Variants in TMEM135 observed in about 807,000 individuals in gnomAD.
TMEM135 encodes the protein transmembrane protein 135.
TMEM135 carries 30 observed loss-of-function variants against 60.3 expected under a neutral mutation model. The observed-to-expected ratio is 0.50, with a 90% CI of 0.37 to 0.68. The LOEUF (loss-of-function observed/expected upper bound fraction) is 0.68, where lower values mean the gene tolerates loss of function less well. TMEM135 is among the 30% of genes least tolerant of loss of function. TMEM135 has a pLI of 0.00. For missense variants in TMEM135, 468 were observed against 548.8 expected (o/e 0.85, Z 1.47); for synonymous variants, 190 against 186.7 (o/e 1.02, Z -0.14).
In TMEM135 at chr11:87,258,811, T is replaced by C. The variant is rs1292524371; in HGVS notation, c.509+22127T>C. The C allele has an allele frequency of 3.3e-5, 20 of 606,998 alleles. No homozygotes were observed. In the Admixed American group the frequency reaches 5.2e-4, roughly 16 times the overall value. The allele number at this position is 606,998 out of a possible 1,614,324, so 37.6% of individuals were successfully genotyped here. On this transcript the variant is annotated intron_variant, in intron 6 of 14. Coordinates refer to ENST00000305494, the MANE Select transcript of TMEM135 (RefSeq NM_022918.4). ...GTTCAAACACAATTGAATTTCTGAC[T>C]TCTCCCACGGAGACAGCTCATATAC...
chr11:87,092,406 A>G (rs1857227940), intron 4 of TMEM135, among the ~76,000 whole-genome samples: 1 of 152,194 alleles, frequency 6.6e-6, no homozygotes, highest in African/African-American at 2.4e-5. Context: ...ATCTGATGAC[A>G]TATGTGGACA....
In TMEM135 at chr11:87,326,253, T is replaced by C. The variant is rs17149955; in HGVS notation, c.*4920T>C. 59,139 of 453,934 alleles carry C rather than the reference T, an allele frequency of 0.13. 4,089 individuals carry two copies. The highest frequency in any genetic ancestry group is 0.15 in the South Asian group (9,389 of 64,468). 28.1% of individuals were successfully genotyped at this position (453,934 alleles called of 1,614,324 possible). A position where few individuals can be genotyped will look rare whatever the true frequency, so the allele number is the denominator to read the frequency against. ...ATACAACATGCTTTATCTGCCTTGCTTAGACTCAGCATCCCTTTCTGTCTT... is the reference window on the plus strand; with the variant it reads ...ATACAACATGCTTTATCTGCCTTGCCTAGACTCAGCATCCCTTTCTGTCTT... On this transcript the variant is annotated 3_prime_UTR_variant, in exon 15 of 15. Transcript: ENST00000305494.
chr11:87,041,907 T>A (rs1458060014), intron 1 of TMEM135, among the ~76,000 whole-genome samples: 2 of 152,168 alleles, frequency 1.3e-5, no homozygotes, highest in African/African-American at 4.8e-5. Flanking sequence ...TCTTTATACT[T>A]CTAGGTTGTC....
rs998451711 is a variant in TMEM135 at position 87,325,458 on chromosome 11, T to C, written c.*4125T>C. ...GAGGAAAGAATTTATATCTGGTCTT[T>C]TGGAAATTATTCTGTTGCTGTTTTA... On this transcript the variant is annotated 3_prime_UTR_variant, in exon 15 of 15. Transcript: ENST00000305494. The C allele has an allele frequency of 1.1e-5, 5 of 453,886 alleles. No homozygotes were observed. Among genetic ancestry groups the C allele is most frequent in the Non-Finnish European group, 1.8e-5 (4 of 226,772 alleles). The allele number at this position is 453,886 out of a possible 1,614,324, so 28.1% of individuals were successfully genotyped here.
chr11:87,098,456 T>C (rs1354129500), intron 4 of TMEM135, among the ~76,000 whole-genome samples: 1 of 152,282 alleles, frequency 6.6e-6, no homozygotes, highest in Non-Finnish European at 1.5e-5. Flanking sequence ...GTGATTGTGG[T>C]ACATAGATGA....
At chr11:87,269,495 C>T (rs961130156) in intron 6 of TMEM135, among the ~76,000 whole-genome samples, 1 of 151,776 alleles carries the variant, frequency 6.6e-6, no homozygotes, top group Non-Finnish European at 1.5e-5. Context: ...TCCCTCCCCC[C>T]TCCTCCCACC....
chr11:87,220,173 A>T lies in TMEM135; in HGVS notation c.463-16465A>T, dbSNP rs141434392. ...GATTAAGATGAAGGAATGTATGCTT[A>T]GGATAGCTCAGACACTGAGATATTG... On this transcript the variant is annotated intron_variant, in intron 5 of 14. Transcript: ENST00000305494. Among the ~76,000 whole-genome samples the T allele has an allele frequency of 2.1e-3, 314 of 152,332 alleles. 2 individuals are homozygous for T. Among genetic ancestry groups the T allele is most frequent in the African/African-American group, 7.3e-3 (305 of 41,566 alleles).
At chr11:87,263,784 A>C (rs1941697597) in intron 6 of TMEM135, among the ~76,000 whole-genome samples, 1 of 152,084 alleles carries the variant, frequency 6.6e-6, no homozygotes, top group Non-Finnish European at 1.5e-5. Context: ...CTTAGATCAC[A>C]CAGCAGTTAG....
At chr11:87,075,703 G>A (rs754432183) in intron 3 of TMEM135, among the ~76,000 whole-genome samples, 6 of 152,146 alleles carry the variant, frequency 3.9e-5, no homozygotes, top group Non-Finnish European at 5.9e-5. Context: ...ATTTGTCTGA[G>A]TTATTTCTTC....
chr11:87,237,331 T>G (rs900136049), intron 6 of TMEM135, among the ~76,000 whole-genome samples: 3 of 151,952 alleles, frequency 2.0e-5, no homozygotes, highest in Admixed American at 6.6e-5. Flanking sequence ...TCTTTATTTC[T>G]TTATTTTTAG....
chr11:87,174,524 A>C (rs114925923), intron 5 of TMEM135, among the ~76,000 whole-genome samples: 124 of 152,256 alleles, frequency 8.1e-4, no homozygotes, highest in African/African-American at 2.9e-3. Context: ...TTAAGCAGCA[A>C]TTCAAATATA....
intron 1 of TMEM135, 110 bp downstream of exon 1, chr11:87,038,296 C>G: frequency 1.8e-6 from 2 of 1,123,102 alleles, no homozygotes; most frequent in Non-Finnish European, 2.5e-6. Flanking sequence ...GTCGGGCTCT[C>G]TTTTGGAGGG....
intron 5 of TMEM135, among the ~76,000 whole-genome samples, chr11:87,222,917 A>G (rs1218693118): frequency 6.6e-6 from 1 of 152,190 alleles, no homozygotes; most frequent in Non-Finnish European, 1.5e-5. Flanking sequence ...ACTCTATTCA[A>G]CATCGTTACA....
intron 4 of TMEM135, among the ~76,000 whole-genome samples, chr11:87,101,299 A>T (rs1024375913): frequency 3.0e-4 from 45 of 152,358 alleles, no homozygotes; most frequent in Non-Finnish European, 2.5e-4. Context: ...GATTTAAAAG[A>T]GAACACATAA....
At chr11:87,276,917 C>T (rs1441436338) in intron 6 of TMEM135, among the ~76,000 whole-genome samples, 1 of 151,848 alleles carries the variant, frequency 6.6e-6, no homozygotes, top group African/African-American at 2.4e-5. Flanking sequence ...GTTGGTCCGC[C>T]TGCCTCGGCC....
At chr11:87,049,751 G>C (rs1949825064) in intron 1 of TMEM135, among the ~76,000 whole-genome samples, 1 of 88,174 alleles carries the variant, frequency 1.1e-5, no homozygotes, top group African/African-American at 5.5e-5. Context: ...ACATTAGACA[G>C]ATCAACGAGA....
At chr11:87,309,075 C>T (rs1355110012) in intron 9 of TMEM135, among the ~76,000 whole-genome samples, 3 of 152,182 alleles carry the variant, frequency 2.0e-5, no homozygotes, top group African/African-American at 7.2e-5. Context: ...AATCCCTACT[C>T]ATGCTAATCA....
chr11:87,247,575 C>T (rs1050664443), intron 6 of TMEM135, among the ~76,000 whole-genome samples: 2 of 152,186 alleles, frequency 1.3e-5, no homozygotes, highest in African/African-American at 4.8e-5. Flanking sequence ...ACCCCTCCCC[C>T]AGCCTCGCTG....
chr11:87,064,504 A>G (rs887370053), intron 1 of TMEM135, among the ~76,000 whole-genome samples: 2 of 152,148 alleles, frequency 1.3e-5, no homozygotes, highest in African/African-American at 4.8e-5. Flanking sequence ...TTTTATAGCT[A>G]TACTCACTTC....
Sources: allele counts gnomAD v4.1 joint callset (sites outside exome capture counted in the v4.1 genomes callset), GRCh38; gene constraint gnomAD v4.1.1; transcripts MANE v1.5; gene names NCBI Gene and HGNC (gene_info 2026-07-23, HGNC 2026-07-21).